The following LRRTM4 variants were observed in gnomAD, a reference collection of about 807,000 sequenced individuals.
The protein encoded by LRRTM4 is leucine rich repeat transmembrane neuronal 4.
In LRRTM4, 25 loss-of-function variants were observed where a neutral mutation model predicts 47.6. The observed-to-expected ratio is 0.53, with a 90% CI of 0.38 to 0.73. The LOEUF (loss-of-function observed/expected upper bound fraction) is 0.73. Ranked by LOEUF, LRRTM4 falls within the 30% of genes least tolerant of loss-of-function variation. LRRTM4 has a pLI of 0.00. For synonymous variants in LRRTM4, 311 were observed against 269.5 expected (o/e 1.15, Z -1.51); for missense variants, 638 against 713.4 (o/e 0.89, Z 1.20).
chr2:76,827,340 C>G (rs1211406288), intron 3 of LRRTM4, among the ~76,000 whole-genome samples: 1 of 151,764 alleles, frequency 6.6e-6, no homozygotes, highest in Non-Finnish European at 1.5e-5. Flanking sequence ...AGAGAAGGGT[C>G]AAACGCCAGG....
At chr2:77,184,829 A>ACT (rs1673454292) in intron 3 of LRRTM4, among the ~76,000 whole-genome samples, 1 of 152,108 alleles carries the variant, frequency 6.6e-6, no homozygotes, top group Non-Finnish European at 1.5e-5. Flanking sequence ...CCAGAAAGAT[A>ACT]CTCTGGTATC....
chr2:77,457,046 ATATATG>A (rs1162335943), intron 3 of LRRTM4, among the ~76,000 whole-genome samples: 1,913 of 15,304 alleles, frequency 0.12, 107 homozygotes, highest in African/African-American at 0.18. Flanking sequence ...ATATATATAT[ATATATG>A]TATAACCTGG....
chr2:76,962,619 T>C (rs1386610468), intron 3 of LRRTM4, among the ~76,000 whole-genome samples: 2 of 150,642 alleles, frequency 1.3e-5, no homozygotes, highest in Non-Finnish European at 3.0e-5. Context: ...ATTTTTAAAA[T>C]AAAAATAAAT....
rs143757248 is a variant in LRRTM4 at position 77,401,439 on chromosome 2, T to C, written c.1551+116879A>G. On this transcript the variant is annotated intron_variant, in intron 3 of 3. Transcript: ENST00000409884. ...CTGCTCTTCATTTTCCTTCATATCA[T>C]AAATCACTATGTAACATTACGGTAA... Among the ~76,000 whole-genome samples, 1,196 of 152,068 alleles carry C rather than the reference T, an allele frequency of 7.9e-3. 44 individuals are homozygous for C. The highest frequency in any genetic ancestry group is 0.063 in the Admixed American group (966 of 15,234).
At chr2:76,846,294 A>G (rs1330998855) in intron 3 of LRRTM4, among the ~76,000 whole-genome samples, 1 of 152,034 alleles carries the variant, frequency 6.6e-6, no homozygotes, top group Non-Finnish European at 1.5e-5. Context: ...CCTGAGAATA[A>G]CCGCCTTAGA....
intron 3 of LRRTM4, among the ~76,000 whole-genome samples, chr2:77,032,782 T>C (rs567616987): frequency 6.6e-6 from 1 of 152,248 alleles, no homozygotes; most frequent in Admixed American, 6.6e-5. Context: ...ATAAACAGCA[T>C]TTATAGAAAT....
chr2:77,502,536 T>C (rs922830532), intron 3 of LRRTM4, among the ~76,000 whole-genome samples: 4 of 151,552 alleles, frequency 2.6e-5, no homozygotes, highest in Non-Finnish European at 4.4e-5. Flanking sequence ...AGGCAGAAAA[T>C]TTTTTAAAAA....
intron 3 of LRRTM4, among the ~76,000 whole-genome samples, chr2:77,406,144 T>TG (rs1396825209): frequency 6.6e-6 from 1 of 152,012 alleles, no homozygotes; most frequent in Admixed American, 6.6e-5. Context: ...GGTAGTGGGC[T>TG]GGGGGAGGAG....
At chr2:76,982,567 A>G (rs1676649048) in intron 3 of LRRTM4, among the ~76,000 whole-genome samples, 1 of 152,040 alleles carries the variant, frequency 6.6e-6, no homozygotes, top group Non-Finnish European at 1.5e-5. Context: ...AGGAGCTTGT[A>G]TCTAGAAGAG....
chr2:77,162,304 G>A (rs1461270510), intron 3 of LRRTM4, among the ~76,000 whole-genome samples: 2 of 152,186 alleles, frequency 1.3e-5, no homozygotes, highest in Admixed American at 6.5e-5. Context: ...GGCTTCAGTA[G>A]GTAAACAAAG....
At chr2:77,409,579 CTGTG>C (rs893643491) in intron 3 of LRRTM4, among the ~76,000 whole-genome samples, 1 of 152,108 alleles carries the variant, frequency 6.6e-6, no homozygotes, top group African/African-American at 2.4e-5. Flanking sequence ...TCTTGTTTCT[CTGTG>C]TGTGTTTGTT....
At chr2:77,213,308 C>A (rs977645565) in intron 3 of LRRTM4, among the ~76,000 whole-genome samples, 3 of 151,992 alleles carry the variant, frequency 2.0e-5, no homozygotes, top group Admixed American at 1.3e-4. Flanking sequence ...ACTCCAGAAC[C>A]CTGGAGTTAG....
intron 3 of LRRTM4, among the ~76,000 whole-genome samples, chr2:77,249,078 G>A (rs925969702): frequency 4.6e-5 from 7 of 152,026 alleles, no homozygotes; most frequent in Non-Finnish European, 8.8e-5. Context: ...GGCCTGGCGC[G>A]GTGGCTCATG....
chr2:77,032,192 T>A (rs10211542), intron 3 of LRRTM4, among the ~76,000 whole-genome samples: 1 of 151,974 alleles, frequency 6.6e-6, no homozygotes, highest in Admixed American at 6.6e-5. Flanking sequence ...CTTTAAAAAC[T>A]GCAGGGCCTT....
chr2:77,416,847 T>A (rs1674653923), intron 3 of LRRTM4, among the ~76,000 whole-genome samples: 1 of 152,046 alleles, frequency 6.6e-6, no homozygotes, highest in Non-Finnish European at 1.5e-5. Flanking sequence ...AATATTTTAT[T>A]TTTTTAGGTC....
intron 3 of LRRTM4, among the ~76,000 whole-genome samples, chr2:77,070,821 G>C (rs1680129642): frequency 1.3e-5 from 2 of 152,100 alleles, no homozygotes; most frequent in Non-Finnish European, 2.9e-5. Context: ...AGTAGAGACG[G>C]GGTTTCACCA....
chr2:77,484,474 A>C (rs1470676762), intron 3 of LRRTM4, among the ~76,000 whole-genome samples: 1 of 152,200 alleles, frequency 6.6e-6, no homozygotes, highest in African/African-American at 2.4e-5. Context: ...GATTGCAAAG[A>C]GGTGTCCACA....
At chr2:77,363,702 C>G (rs557125829) in intron 3 of LRRTM4, among the ~76,000 whole-genome samples, 1 of 152,060 alleles carries the variant, frequency 6.6e-6, no homozygotes, top group African/African-American at 2.4e-5. Context: ...ATCATGAAGT[C>G]CTTGATAAAA....
intron 3 of LRRTM4, among the ~76,000 whole-genome samples, chr2:76,993,167 C>T (rs1333510228): frequency 6.6e-6 from 1 of 151,880 alleles, no homozygotes; most frequent in Non-Finnish European, 1.5e-5. Context: ...CTGTAAAAAT[C>T]CTAGAAGAAA....
Sources: allele counts gnomAD v4.1 joint callset (sites outside exome capture counted in the v4.1 genomes callset), GRCh38; gene constraint gnomAD v4.1.1; transcripts MANE v1.5; gene names NCBI Gene and HGNC (gene_info 2026-07-23, HGNC 2026-07-21).